Variants in RTL4 observed in about 807,000 individuals in gnomAD.
RTL4 encodes the protein retrotransposon Gag like 4, also known as retrotransposon Gag-like protein 4.
In RTL4, 4 loss-of-function variants were observed where a neutral mutation model predicts 5.3. The ratio of observed to expected loss-of-function variants is 0.75; its 90% CI spans 0.37 to 1.72. RTL4 has a LOEUF of 1.72. Among genes scored for constraint, RTL4 ranks in the 40% most tolerant of loss-of-function variants. RTL4 has a pLI of 0.04. For synonymous variants in RTL4, 98 were observed against 87.3 expected (o/e 1.12, Z -0.68); for missense variants, 260 against 227.1 (o/e 1.14, Z -0.93).
At chrX:112,145,919 C>T in the RTL4 span, among the ~76,000 whole-genome samples, 5 of 112,089 alleles carry the variant, frequency 4.5e-5, no homozygotes, top group South Asian at 1.1e-3. Flanking sequence ...ATCATATATG[C>T]GCTTGTAGGC....
chrX:112,419,484 C>T, the RTL4 span, among the ~76,000 whole-genome samples: 2 of 88,240 alleles, frequency 2.3e-5, no homozygotes, highest in East Asian at 7.5e-4. Context: ...CTCAGCCTCC[C>T]GGGTAGCTGG....
the RTL4 span, among the ~76,000 whole-genome samples, chrX:112,179,986 A>G: frequency 9.0e-6 from 1 of 111,263 alleles, no homozygotes; most frequent in Admixed American, 9.6e-5. Context: ...TCAGAGTCCT[A>G]AAGGAGTCTG....
the RTL4 span, among the ~76,000 whole-genome samples, chrX:112,185,706 T>C: frequency 5.5e-5 from 6 of 108,470 alleles, no homozygotes; most frequent in Non-Finnish European, 9.5e-5. Context: ...AAACTTGGCT[T>C]TCTCTATTTA....
At chrX:112,083,626 G>T in the RTL4 span, among the ~76,000 whole-genome samples, 1 of 112,075 alleles carries the variant, frequency 8.9e-6, no homozygotes, top group Non-Finnish European at 1.9e-5. Flanking sequence ...GATATTGTAG[G>T]ATGGGGGCGG....
At chrX:112,442,244 C>CTTTT in the RTL4 span, among the ~76,000 whole-genome samples, 2 of 98,441 alleles carry the variant, frequency 2.0e-5, no homozygotes, top group Non-Finnish European at 4.1e-5. Flanking sequence ...ATTTACATTT[C>CTTTT]TTTTTTTTTT....
the RTL4 span, among the ~76,000 whole-genome samples, chrX:112,139,999 T>A: frequency 8.9e-6 from 1 of 112,214 alleles, no homozygotes; most frequent in Non-Finnish European, 1.9e-5. Flanking sequence ...CGTGGAACTG[T>A]AAGTCCAGTT....
At chrX:112,187,384 C>G in the RTL4 span, among the ~76,000 whole-genome samples, 2 of 111,494 alleles carry the variant, frequency 1.8e-5, no homozygotes, top group Non-Finnish European at 3.8e-5. Context: ...AGACAACATT[C>G]AAAATTCGTT....
At chrX:112,200,899 G>T in the RTL4 span, among the ~76,000 whole-genome samples, 1 of 111,763 alleles carries the variant, frequency 8.9e-6, no homozygotes, top group African/African-American at 3.3e-5. Context: ...TTCAGAGAGT[G>T]TACAAAGCAA....
At chrX:112,131,133 G>C in the RTL4 span, among the ~76,000 whole-genome samples, 26 of 108,963 alleles carry the variant, frequency 2.4e-4, no homozygotes, top group Admixed American at 2.5e-3. Flanking sequence ...TTGTAGTATA[G>C]GTCTTGGCCT....
At chrX:112,420,142 C>T in the RTL4 span, among the ~76,000 whole-genome samples, 1 of 111,151 alleles carries the variant, frequency 9.0e-6, no homozygotes, top group Non-Finnish European at 1.9e-5. Flanking sequence ...GTCCAGATAA[C>T]TTCAGATAAT....
the RTL4 span, among the ~76,000 whole-genome samples, chrX:112,434,475 T>A: frequency 1.4e-4 from 16 of 111,967 alleles, no homozygotes; most frequent in East Asian, 4.5e-3. Context: ...GGTGTATGTG[T>A]CGAGGAATTT....
chrX:112,427,826 A>C, the RTL4 span, among the ~76,000 whole-genome samples: 1 of 110,282 alleles, frequency 9.1e-6, no homozygotes, highest in Admixed American at 9.7e-5. Context: ...GGTTACATGG[A>C]TCAATTCTTT....
chrX:112,139,369 T>A, the RTL4 span, among the ~76,000 whole-genome samples: 1 of 111,635 alleles, frequency 9.0e-6, no homozygotes, highest in Non-Finnish European at 1.9e-5. Flanking sequence ...ATAAATTAAA[T>A]TCCCTCCATC....
chrX:112,420,591 A>G, the RTL4 span, among the ~76,000 whole-genome samples: 1 of 111,452 alleles, frequency 9.0e-6, no homozygotes. Context: ...TTTTAAATGG[A>G]ATTAAAACAA....
At chrX:112,179,233 T>C in the RTL4 span, among the ~76,000 whole-genome samples, 2 of 111,152 alleles carry the variant, frequency 1.8e-5, no homozygotes, top group African/African-American at 6.6e-5. Context: ...CAAGTAAGGC[T>C]ATACAACCTG....
At chrX:112,404,241 T>C in the RTL4 span, among the ~76,000 whole-genome samples, 1 of 112,273 alleles carries the variant, frequency 8.9e-6, no homozygotes, top group East Asian at 2.8e-4. Context: ...CACAATTACA[T>C]TGTCGTATTC....
chrX:112,298,602 T>A, the RTL4 span, among the ~76,000 whole-genome samples: 1 of 112,626 alleles, frequency 8.9e-6, no homozygotes, highest in Admixed American at 9.4e-5. Flanking sequence ...AATAATTGGA[T>A]AGAAAAATGT....
the RTL4 span, among the ~76,000 whole-genome samples, chrX:112,295,499 C>A: frequency 2.7e-5 from 3 of 112,649 alleles, no homozygotes; most frequent in African/African-American, 9.7e-5. Flanking sequence ...ATCACTTACC[C>A]TCACTGCAGG....
At chrX:112,355,489 G>A in the RTL4 span, among the ~76,000 whole-genome samples, 1 of 111,288 alleles carries the variant, frequency 9.0e-6, no homozygotes, top group African/African-American at 3.3e-5. Context: ...GAGGATAGAA[G>A]GGTGTTTGAG....
Sources: allele counts gnomAD v4.1 joint callset (sites outside exome capture counted in the v4.1 genomes callset), GRCh38; gene constraint gnomAD v4.1.1; transcripts MANE v1.5; gene names NCBI Gene and HGNC (gene_info 2026-07-23, HGNC 2026-07-21).